The following ANKRD36C variants were observed in gnomAD, a reference collection of about 807,000 sequenced individuals.
ANKRD36C encodes ankyrin repeat domain 36C, also known as ankyrin repeat domain-containing protein 36C.
ANKRD36C carries 61 observed loss-of-function variants against 276.4 expected under a neutral mutation model. That is an observed-to-expected ratio of 0.22 (90% CI 0.18 to 0.27). ANKRD36C has a LOEUF of 0.27. Ranked by LOEUF, ANKRD36C falls within the 10% of genes least tolerant of loss-of-function variation. ANKRD36C has a pLI of 1.00. For synonymous variants in ANKRD36C, 483 were observed against 680.1 expected, an observed-to-expected ratio of 0.71 and a Z score of 4.51; for missense variants, 1,447 against 2,032.3, an observed-to-expected ratio of 0.71 and a Z score of 5.54.
chr2:95,948,195 G>T (rs1573793926), intron 17 of ANKRD36C, among the ~76,000 whole-genome samples: 1 of 152,154 alleles, frequency 6.6e-6, no homozygotes, highest in African/African-American at 2.4e-5. Flanking sequence ...ACAACTCAGA[G>T]TAAAAACACT....
chr2:95,889,255 A>G (rs1416695628), intron 48 of ANKRD36C, among the ~76,000 whole-genome samples: 1 of 151,580 alleles, frequency 6.6e-6, no homozygotes, highest in Non-Finnish European at 1.5e-5. Context: ...AAATGTATTG[A>G]AGTGAGTTCA....
At chr2:95,874,721 C>G (rs1675902464) in intron 59 of ANKRD36C, among the ~76,000 whole-genome samples, 1 of 152,184 alleles carries the variant, frequency 6.6e-6, no homozygotes, top group Non-Finnish European at 1.5e-5. Flanking sequence ...GCAAAAGAAA[C>G]TACCATCAGA....
At chr2:95,859,957 G>C (rs1675524766) in exon 61 of ANKRD36C, 1 of 1,550,266 alleles carries the variant, frequency 6.5e-7, no homozygotes. Context: ...TAGTACACTA[G>C]CCTTATTTTT....
chr2:95,902,076 T>A (rs1392160235), intron 42 of ANKRD36C, among the ~76,000 whole-genome samples: 1 of 148,448 alleles, frequency 6.7e-6, no homozygotes, highest in Non-Finnish European at 1.5e-5. Context: ...GGGAGTATCG[T>A]GTTATTCTCT....
In ANKRD36C at chr2:95,865,887, G is replaced by C. The variant is rs1235231306; in HGVS notation, c.3682+1553C>G. Among the ~76,000 whole-genome samples, 3 of 152,058 alleles carry C rather than the reference G, an allele frequency of 2.0e-5. No homozygotes were observed. In the East Asian group the frequency reaches 5.8e-4, roughly 29 times the overall value. Reference sequence around the variant, plus strand: ...CTGACTTTACAGTGGGTTTACTGAAGTATTAAATTGCTTTTGACTCAAACA... The same window carrying C: ...CTGACTTTACAGTGGGTTTACTGAACTATTAAATTGCTTTTGACTCAAACA... On this transcript the variant is annotated intron_variant, in intron 60 of 66. Transcript: ENST00000456556.
intron 32 of ANKRD36C, 44 bp from the exon 33 acceptor site, chr2:95,921,854 A>G (rs747037419): frequency 6.4e-7 from 1 of 1,561,140 alleles, no homozygotes; most frequent in African/African-American, 1.4e-5. Flanking sequence ...AATATGATAC[A>G]TTTTCCATAC....
chr2:95,863,568 A>C (rs1675627985), intron 60 of ANKRD36C, among the ~76,000 whole-genome samples: 1 of 152,164 alleles, frequency 6.6e-6, no homozygotes, highest in South Asian at 2.1e-4. Context: ...GTAAAAATTC[A>C]ACCAATTTGT....
chr2:95,986,911 C>T (rs1679039636), exon 3 of ANKRD36C: 2 of 1,612,314 alleles, frequency 1.2e-6, no homozygotes, highest in East Asian at 2.2e-5. Context: ...AGCCTCCTGC[C>T]TCAGTTGTAC....
chr2:95,897,291 G>A (rs199969223), intron 44 of ANKRD36C: 40,486 of 1,454,614 alleles, frequency 0.028, 1,704 homozygotes, highest in Middle Eastern at 0.087. Flanking sequence ...TTTTCTCCAT[G>A]CTTTTTTCCT....
rs540588353 is a variant in ANKRD36C at position 95,908,359 on chromosome 2, C to T, written c.2653+3885G>A. The T allele has an allele frequency of 9.7e-6, 7 of 719,592 alleles. No homozygotes were observed. The East Asian group carries it at 5.3e-4, about 55-fold the overall frequency. 44.6% of individuals were successfully genotyped at this position (719,592 alleles called of 1,614,324 possible). The stretch of plus-strand genomic sequence containing the variant: ...CCAGACCAGCAGCATCATCATCACC[C>T]AAGAACTTATTTGAAATGAAGAATC... On this transcript the variant is annotated intron_variant, in intron 42 of 66. Transcript: ENST00000456556.
Position 95,920,232 on chromosome 2 carries a change from G to A in ANKRD36C, c.2245+1375C>T, listed in dbSNP as rs1677226899. Among the ~76,000 whole-genome samples, 3 of 132,732 alleles carry A rather than the reference G, an allele frequency of 2.3e-5. 1 individual carries two copies. The South Asian group carries it at 6.9e-4, about 31-fold the overall frequency. 87.1% of individuals were successfully genotyped at this position (132,732 alleles called of 152,430 possible). On this transcript the variant is annotated intron_variant, in intron 34 of 66. Transcript: ENST00000456556. Reference sequence around the variant, plus strand: ...AGGACAAACTGATCTAAAATCGGAGGAGCAACTCATACACGTGAGAATCAA... The same window carrying A: ...AGGACAAACTGATCTAAAATCGGAGAAGCAACTCATACACGTGAGAATCAA...
chr2:95,886,570 C>T (rs1676208748), intron 50 of ANKRD36C, among the ~76,000 whole-genome samples: 1 of 151,684 alleles, frequency 6.6e-6, no homozygotes, highest in African/African-American at 2.4e-5. Context: ...AAACTAATCA[C>T]CTGGAAATCA....
chr2:95,855,516 C>T, exon 63 of ANKRD36C: 1 of 1,611,564 alleles, frequency 6.2e-7, no homozygotes, highest in Non-Finnish European at 8.5e-7. Context: ...TTGACAAAAT[C>T]TTTCCTGCTT....
At chr2:95,907,959 T>G (rs1676790946) in intron 42 of ANKRD36C, among the ~76,000 whole-genome samples, 1 of 150,316 alleles carries the variant, frequency 6.7e-6, no homozygotes, top group South Asian at 2.1e-4. Flanking sequence ...CAAATGCATC[T>G]GAAGTGAGTT....
intron 38 of ANKRD36C, among the ~76,000 whole-genome samples, chr2:95,914,920 A>T (rs1677048009): frequency 6.6e-6 from 1 of 151,462 alleles, no homozygotes; most frequent in South Asian, 2.1e-4. Flanking sequence ...AGTTTCTTTC[A>T]TCCACTAGTT....
intron 1 of ANKRD36C, among the ~76,000 whole-genome samples, chr2:95,990,947 T>G (rs1486803161): frequency 1.3e-5 from 2 of 152,120 alleles, no homozygotes; most frequent in Non-Finnish European, 2.9e-5. Flanking sequence ...TTAAAATGAT[T>G]TATAAAGAAG....
chr2:95,874,473 CAT>C (rs1331843800), intron 59 of ANKRD36C, among the ~76,000 whole-genome samples: 6 of 152,172 alleles, frequency 3.9e-5, no homozygotes, highest in African/African-American at 1.4e-4. Flanking sequence ...ACTGGCTAGC[CAT>C]ATGTAGAAAG....
chr2:95,952,275 T>A (rs950419659), intron 14 of ANKRD36C, among the ~76,000 whole-genome samples: 4 of 152,282 alleles, frequency 2.6e-5, no homozygotes, highest in Non-Finnish European at 2.9e-5. Flanking sequence ...CTCGACAATT[T>A]GTTTTGTGTA....
At chr2:95,972,433 A>C (rs924449577) in intron 6 of ANKRD36C, among the ~76,000 whole-genome samples, 1 of 152,224 alleles carries the variant, frequency 6.6e-6, no homozygotes, top group Non-Finnish European at 1.5e-5. Context: ...ACATCCTGGT[A>C]ACTCCACAGG....
Sources: allele counts gnomAD v4.1 joint callset (sites outside exome capture counted in the v4.1 genomes callset), GRCh38; gene constraint gnomAD v4.1.1; transcripts MANE v1.5; gene names NCBI Gene and HGNC (gene_info 2026-07-23, HGNC 2026-07-21).